Variants in PDK3 observed in about 807,000 individuals in gnomAD.
PDK3 encodes the protein pyruvate dehydrogenase kinase, isozyme 3.
Under a neutral mutation model 32.0 loss-of-function variants are expected in PDK3, and 12 were observed. The ratio of observed to expected loss-of-function variants is 0.37; its 90% CI spans 0.24 to 0.61. The LOEUF is 0.61. Ranked by LOEUF, PDK3 falls within the 20% of genes least tolerant of loss-of-function variation. PDK3 has a pLI of 0.65. For synonymous variants in PDK3, 122 were observed against 116.3 expected (o/e 1.05, Z -0.31); for missense variants, 188 against 316.9 (o/e 0.59, Z 3.09).
At chrX:24,470,165 T>TA (rs1234589852) in intron 1 of PDK3, among the ~76,000 whole-genome samples, 1 of 112,202 alleles carries the variant, frequency 8.9e-6, no homozygotes, top group Non-Finnish European at 1.9e-5. Context: ...TTCAAAAAGA[T>TA]AAATTTTTGT....
chrX:24,515,854 T>C (rs1426247396), intron 5 of PDK3, among the ~76,000 whole-genome samples: 2 of 111,847 alleles, frequency 1.8e-5, no homozygotes, highest in Admixed American at 1.9e-4. Context: ...TTCATACTGA[T>C]CAACTCTTTT....
chrX:24,490,435 G>A (rs201604176), intron 1 of PDK3, among the ~76,000 whole-genome samples: 1 of 50,763 alleles, frequency 2.0e-5, no homozygotes, highest in Non-Finnish European at 3.8e-5. Context: ...CCTGACCTTT[G>A]TCATCGAACT....
intron 9 of PDK3, among the ~76,000 whole-genome samples, chrX:24,529,725 C>T (rs1922604015): frequency 9.5e-6 from 1 of 105,088 alleles, no homozygotes. Flanking sequence ...TGCCACTGCA[C>T]TCCAGCCTGG....
chrX:24,491,159 C>G (rs1921547675), intron 1 of PDK3, among the ~76,000 whole-genome samples: 1 of 108,523 alleles, frequency 9.2e-6, no homozygotes, highest in Non-Finnish European at 1.9e-5. Flanking sequence ...TGTAAAAATA[C>G]AAAAATTAGC....
At chrX:24,514,403 T>C (rs1189190209) in intron 5 of PDK3, among the ~76,000 whole-genome samples, 12 of 112,349 alleles carry the variant, frequency 1.1e-4, no homozygotes, top group Non-Finnish European at 7.5e-5. Flanking sequence ...ATGTCACTTA[T>C]ATTCAGTGGC....
At chrX:24,527,272 A>G (rs904544450) in intron 7 of PDK3, among the ~76,000 whole-genome samples, 13 of 100,103 alleles carry the variant, frequency 1.3e-4, no homozygotes, top group Non-Finnish European at 2.0e-4. Flanking sequence ...GTTGAGTTGA[A>G]TAATTTAAAT....
At chrX:24,524,179 A>G (rs1922466802) in intron 6 of PDK3, among the ~76,000 whole-genome samples, 1 of 112,398 alleles carries the variant, frequency 8.9e-6, no homozygotes, top group African/African-American at 3.2e-5. Flanking sequence ...GTTATGTATA[A>G]TATGCATCTA....
At chrX:24,518,633 A>G (rs1382721991) in intron 5 of PDK3, among the ~76,000 whole-genome samples, 1 of 112,263 alleles carries the variant, frequency 8.9e-6, no homozygotes, top group African/African-American at 3.2e-5. Flanking sequence ...GCAATGAGCT[A>G]TGATCACACC....
At chrX:24,475,550 A>G (rs759017074) in intron 1 of PDK3, among the ~76,000 whole-genome samples, 28 of 110,166 alleles carry the variant, frequency 2.5e-4, no homozygotes, top group African/African-American at 8.3e-4. Context: ...TCCCGGCTAC[A>G]TGGGAAGCTG....
chrX:24,528,300 G>A (rs1174762343), intron 9 of PDK3, 114 bp downstream of exon 9: 11 of 434,893 alleles, frequency 2.5e-5, no homozygotes, highest in East Asian at 1.1e-4. Flanking sequence ...AGAAGGTTGC[G>A]TGTATTATGG....
At chrX:24,541,865 G>T (rs1922901070) in exon 12 of PDK3, among the ~76,000 whole-genome samples, 1 of 112,277 alleles carries the variant, frequency 8.9e-6, no homozygotes, top group African/African-American at 3.2e-5. Flanking sequence ...CCATTCCTCT[G>T]TACTGCTCTT....
At chrX:24,538,640 G>A (rs897330695), downstream of PDK3, among the ~76,000 whole-genome samples, 5 of 110,603 alleles carry the variant, frequency 4.5e-5, no homozygotes, top group African/African-American at 1.3e-4. Context: ...TTAGCCGGGC[G>A]GTGGTGGCGG....
intron 5 of PDK3, among the ~76,000 whole-genome samples, chrX:24,508,513 A>G (rs1922038212): frequency 9.0e-6 from 1 of 111,493 alleles, no homozygotes; most frequent in African/African-American, 3.3e-5. Flanking sequence ...AGTAGCAGGG[A>G]GTTTTATGAA....
In PDK3 at chrX:24,516,170, C is replaced by T. The variant is rs762333766; in HGVS notation, c.596-2763C>T. On this transcript the variant is annotated intron_variant, in intron 5 of 10. Coordinates refer to ENST00000379162, the MANE Select transcript of PDK3 (RefSeq NM_005391.5). ...TGTAGGGCTTACTTTTCCCCCTTTGCTTCCTTCCTTCTTTCTCTCACCTCT... is the reference window on the plus strand; with the variant it reads ...TGTAGGGCTTACTTTTCCCCCTTTGTTTCCTTCCTTCTTTCTCTCACCTCT... 3.8e-4 allele frequency among the ~76,000 whole-genome samples: 42 copies of T among 111,545 alleles called. No homozygotes were observed. In the South Asian group the frequency reaches 5.3e-3, roughly 14 times the overall value.
chrX:24,525,668 G>A (rs1237210930), intron 6 of PDK3, among the ~76,000 whole-genome samples: 1 of 111,771 alleles, frequency 8.9e-6, no homozygotes, highest in Non-Finnish European at 1.9e-5. Context: ...GGTCTCTAGG[G>A]GTTTATGTGC....
At chrX:24,529,615 C>T (rs750515499) in intron 9 of PDK3, among the ~76,000 whole-genome samples, 3 of 110,453 alleles carry the variant, frequency 2.7e-5, no homozygotes, top group African/African-American at 6.6e-5. Context: ...CGAAAATAGT[C>T]GGGAGCAGTG....
chrX:24,509,958 G>A (rs1473519256), intron 5 of PDK3, among the ~76,000 whole-genome samples: 1 of 112,090 alleles, frequency 8.9e-6, no homozygotes, highest in Non-Finnish European at 1.9e-5. Flanking sequence ...GAAGAAATAT[G>A]CATACAAGAA....
intron 6 of PDK3, among the ~76,000 whole-genome samples, chrX:24,525,026 G>A (rs761185856): frequency 4.5e-5 from 5 of 110,309 alleles, no homozygotes; most frequent in South Asian, 7.9e-4. Flanking sequence ...GAGTGGCGGC[G>A]CACACCTGTA....
chrX:24,490,944 C>T (rs778216280), intron 1 of PDK3, among the ~76,000 whole-genome samples: 19 of 110,954 alleles, frequency 1.7e-4, no homozygotes, highest in Non-Finnish European at 2.5e-4. Context: ...ACTGATACTA[C>T]CAGTTTCAGT....
Sources: gnomAD v4.1 joint callset for allele counts (sites outside exome capture counted in the v4.1 genomes callset) on GRCh38, gnomAD v4.1.1 for gene constraint, MANE v1.5 for transcripts, NCBI Gene and HGNC (gene_info 2026-07-23, HGNC 2026-07-21) for gene names.